MPPED2: variants seen among roughly 807,000 people sequenced by gnomAD.
The protein encoded by MPPED2 is metallophosphoesterase domain containing 2.
A neutral mutation model predicts 33.0 loss-of-function variants in MPPED2; 5 were observed. The observed-to-expected ratio is 0.15, with a 90% confidence interval of 0.08 to 0.32. The LOEUF is 0.32. MPPED2 is among the 10% of genes least tolerant of loss of function. The pLI, the probability that MPPED2 is intolerant of heterozygous loss-of-function variation, is 1.00. For missense variants in MPPED2, 275 were observed against 372.1 expected (o/e 0.74, Z 2.15); for synonymous variants, 136 against 141.9 (o/e 0.96, Z 0.29).
At chr11:30,415,651 G>C (rs541115440) in intron 5 of MPPED2, among the ~76,000 whole-genome samples, 17 of 152,292 alleles carry the variant, frequency 1.1e-4, no homozygotes, top group African/African-American at 3.9e-4. Flanking sequence ...TGATGTAGCT[G>C]TCACTCTGCT....
chr11:30,461,318 T>C (rs1194647428), intron 4 of MPPED2, among the ~76,000 whole-genome samples: 1 of 152,184 alleles, frequency 6.6e-6, no homozygotes, highest in African/African-American at 2.4e-5. Context: ...ACAATGTGAA[T>C]GTACTTAATG....
At chr11:30,484,395 G>T (rs1951628281) in intron 4 of MPPED2, among the ~76,000 whole-genome samples, 2 of 152,040 alleles carry the variant, frequency 1.3e-5, no homozygotes, top group South Asian at 4.1e-4. Flanking sequence ...TAACCAAGCT[G>T]ATTTTTTATA....
chr11:30,451,664 CT>C (rs1210240963), intron 4 of MPPED2: 16 of 939,570 alleles, frequency 1.7e-5, no homozygotes, highest in Middle Eastern at 5.5e-4. Context: ...CAAATGTTCA[CT>C]TAACTTTTAC....
chr11:30,525,523 T>C (rs534197451), intron 3 of MPPED2, among the ~76,000 whole-genome samples: 5 of 152,200 alleles, frequency 3.3e-5, no homozygotes, highest in Non-Finnish European at 7.3e-5. Flanking sequence ...AATAATTATG[T>C]ATGTCTTGCC....
At chr11:30,528,006 A>G (rs1197692567) in intron 3 of MPPED2, among the ~76,000 whole-genome samples, 1 of 152,256 alleles carries the variant, frequency 6.6e-6, no homozygotes, top group Non-Finnish European at 1.5e-5. Flanking sequence ...AAGCATTAAT[A>G]AGTCTCCTTT....
At chr11:30,490,566 CT>C (rs1951931237) in intron 4 of MPPED2, among the ~76,000 whole-genome samples, 1 of 152,066 alleles carries the variant, frequency 6.6e-6, no homozygotes, top group South Asian at 2.1e-4. Context: ...TGGCATCCCA[CT>C]TATAACATCT....
chr11:30,460,440 G>A (rs567880404), intron 4 of MPPED2, among the ~76,000 whole-genome samples: 2 of 152,116 alleles, frequency 1.3e-5, no homozygotes, highest in African/African-American at 4.8e-5. Flanking sequence ...GGGCAAGAGA[G>A]TGAGATTCCT....
At chr11:30,484,079 A>G (rs1951614359) in intron 4 of MPPED2, among the ~76,000 whole-genome samples, 3 of 152,328 alleles carry the variant, frequency 2.0e-5, no homozygotes, top group African/African-American at 4.8e-5. Context: ...GGTTTCACTT[A>G]GTCTTCAATG....
rs927548098 is a variant in MPPED2 at position 30,545,903 on chromosome 11, G to A, written c.129-9728C>T. 1.2e-4 allele frequency among the ~76,000 whole-genome samples: 18 copies of A among 152,014 alleles called. No homozygotes were observed. The South Asian group carries it at 2.5e-3, about 21-fold the overall frequency. ...TTTTAGACAGAGTCTCGCTCTTGTC[G>A]CCCAGGTAGAGTGCAGTGGCACGGT... On this transcript the variant is annotated intron_variant, in intron 2 of 6. Transcript: ENST00000358117.
intron 3 of MPPED2, among the ~76,000 whole-genome samples, chr11:30,502,552 A>G (rs977855845): frequency 6.6e-6 from 1 of 152,186 alleles, no homozygotes; most frequent in African/African-American, 2.4e-5. Context: ...AGAATGTGGG[A>G]GCCTACCCAG....
At chr11:30,439,534 G>T (rs2133889006) in intron 4 of MPPED2, among the ~76,000 whole-genome samples, 1 of 152,196 alleles carries the variant, frequency 6.6e-6, no homozygotes, top group Non-Finnish European at 1.5e-5. Flanking sequence ...AGTGGATTTT[G>T]GTAATTTTCA....
At chr11:30,492,902 G>T (rs1952046888) in intron 4 of MPPED2, among the ~76,000 whole-genome samples, 1 of 152,094 alleles carries the variant, frequency 6.6e-6, no homozygotes. Flanking sequence ...TTTCTTATCT[G>T]CCAAATGAGA....
chr11:30,459,921 C>G (rs562550624), intron 4 of MPPED2, among the ~76,000 whole-genome samples: 1 of 152,188 alleles, frequency 6.6e-6, no homozygotes, highest in East Asian at 1.9e-4. Context: ...ATGGCTTGAA[C>G]TATCTGGAGG....
At chr11:30,500,117 G>A (rs1952489255) in intron 3 of MPPED2, among the ~76,000 whole-genome samples, 1 of 152,136 alleles carries the variant, frequency 6.6e-6, no homozygotes, top group Admixed American at 6.5e-5. Context: ...ATGCAATCTG[G>A]CTTCTGCTTC....
At position 30,561,139 on chromosome 11, in the gene MPPED2, T is replaced by C. The variant is rs565060086; in HGVS notation, c.128+19107A>G. Among the ~76,000 whole-genome samples, 4 of 152,290 alleles carry C rather than the reference T, an allele frequency of 2.6e-5. No individual in the cohort carries two copies. In the East Asian group the frequency reaches 7.7e-4, roughly 29 times the overall value. ...TTTTAAACCTTCATGTGGGTGTGCA[T>C]ATACACACACACACACTTATTTCAA... On this transcript the variant is annotated intron_variant, in intron 2 of 6. Coordinates refer to ENST00000358117, the MANE Select transcript of MPPED2 (RefSeq NM_001584.3).
At chr11:30,584,687 C>A (rs923339126) in intron 1 of MPPED2, 1 of 152,562 alleles carries the variant, frequency 6.6e-6, no homozygotes. Flanking sequence ...ACCTCAGCCT[C>A]CCGGGCGCGT....
At chr11:30,407,005 G>A (rs1272862715), downstream of MPPED2, among the ~76,000 whole-genome samples, 1 of 152,206 alleles carries the variant, frequency 6.6e-6, no homozygotes, top group African/African-American at 2.4e-5. Flanking sequence ...TGAGAGTGGG[G>A]AATGGGGCAT....
At chr11:30,550,227 G>C (rs949362378) in intron 2 of MPPED2, among the ~76,000 whole-genome samples, 1 of 152,062 alleles carries the variant, frequency 6.6e-6, no homozygotes, top group Non-Finnish European at 1.5e-5. Flanking sequence ...TCAGTGAAAA[G>C]ATTTATAATC....
At chr11:30,474,490 TG>T (rs1159163721) in intron 4 of MPPED2, among the ~76,000 whole-genome samples, 3 of 152,184 alleles carry the variant, frequency 2.0e-5, no homozygotes, top group Non-Finnish European at 4.4e-5. Flanking sequence ...GTGGTACCGA[TG>T]GGGTCCACCC....
Sources: gnomAD v4.1 joint callset for allele counts (sites outside exome capture counted in the v4.1 genomes callset) on GRCh38, gnomAD v4.1.1 for gene constraint, MANE v1.5 for transcripts, NCBI Gene and HGNC (gene_info 2026-07-23, HGNC 2026-07-21) for gene names.